REM1: variants seen among roughly 807,000 people sequenced by gnomAD.
The protein encoded by REM1 is GTP-binding protein REM 1.
In REM1, 20 loss-of-function variants were observed where a neutral mutation model predicts 27.0. That is an observed-to-expected ratio of 0.74 (90% CI 0.52 to 1.08). REM1 has a LOEUF of 1.08. Among genes scored for constraint, REM1 ranks in the 50% least tolerant of loss-of-function variants. The pLI is 0.00. For missense variants in REM1, 405 were observed against 407.0 expected (o/e 1.00, Z 0.04); for synonymous variants, 159 against 167.9 (o/e 0.95, Z 0.41).
At chr20:31,479,218 C>T (rs1461483191) in intron 3 of REM1, among the ~76,000 whole-genome samples, 1 of 152,200 alleles carries the variant, frequency 6.6e-6, no homozygotes, top group Non-Finnish European at 1.5e-5. Context: ...ACCTTCTGAA[C>T]CTTCAGCTGA....
In REM1 at chr20:31,484,792, T is replaced by TTTTTTTGATGATA; in HGVS notation, c.*362_*363insTTTTTTGATGATA. 2.2e-5 allele frequency: 5 copies of TTTTTTTGATGATA among 232,502 alleles called. No homozygotes were observed. Among genetic ancestry groups the TTTTTTTGATGATA allele is most frequent in the South Asian group, 2.4e-4 (2 of 8,270 alleles). The allele number at this position is 232,502 out of a possible 1,614,324, so 14.4% of individuals were successfully genotyped here. On this transcript the variant is annotated 3_prime_UTR_variant, in exon 5 of 5. Transcript: ENST00000201979. The stretch of plus-strand genomic sequence containing the variant: ...GCCCAGACCTCTCCATCTCGGCTCT[T>TTTTTTTGATGATA]CCAGGCGTCTCCACCTACTGCCCTC...
At chr20:31,481,446 C>G (rs922330205) in intron 3 of REM1, among the ~76,000 whole-genome samples, 3 of 151,926 alleles carry the variant, frequency 2.0e-5, no homozygotes, top group South Asian at 2.1e-4. Context: ...GTGAAGCCCT[C>G]GCACACTCTG....
Position 31,476,436 on chromosome 20 carries a change from C to G in REM1, c.-10C>G, listed in dbSNP as rs747917564. 3.2e-5 allele frequency: 50 copies of G among 1,547,754 alleles called. No homozygotes were observed. Among genetic ancestry groups the G allele is most frequent in the Middle Eastern group, 1.7e-4 (1 of 5,752 alleles). ...GAAAGAAGGAAGAAGCAAACCCCCCCCTACCAAAGATGACACTCAACACCG... is the reference window on the plus strand; with the variant it reads ...GAAAGAAGGAAGAAGCAAACCCCCCGCTACCAAAGATGACACTCAACACCG... On this transcript the variant is annotated 5_prime_UTR_variant, in exon 2 of 5. Coordinates refer to ENST00000201979, the MANE Select transcript of REM1 (RefSeq NM_014012.6).
chr20:31,484,603 G>A lies in REM1; in HGVS notation c.*173G>A. The A allele has an allele frequency of 2.4e-6, 2 of 817,532 alleles. No homozygotes were observed. Among genetic ancestry groups the A allele is most frequent in the Non-Finnish European group, 3.5e-6 (2 of 567,408 alleles). The allele number at this position is 817,532 out of a possible 1,614,324, so 50.6% of individuals were successfully genotyped here. ...TCCAAGCCTGGGGGATCCCGGGAAA[G>A]CGATGGACAGACAGACGATGGGGCC... On this transcript the variant is annotated 3_prime_UTR_variant, in exon 5 of 5. Coordinates refer to ENST00000201979, the MANE Select transcript of REM1 (RefSeq NM_014012.6).
intron 3 of REM1, among the ~76,000 whole-genome samples, chr20:31,480,381 TGTC>T (rs1204568558): frequency 6.6e-6 from 1 of 152,124 alleles, no homozygotes; most frequent in African/African-American, 2.4e-5. Context: ...TGGAGTGCAG[TGTC>T]GTGATCTCAG....
At position 31,484,514 on chromosome 20, in the gene REM1, T is replaced by C; in HGVS notation, c.*84T>C. Reference sequence around the variant, plus strand: ...CGCCACTGCGGGGCAAAGGCGCCGTTACCTGGAGTCTGCATCATGGGTCTT... The same window carrying C: ...CGCCACTGCGGGGCAAAGGCGCCGTCACCTGGAGTCTGCATCATGGGTCTT... On this transcript the variant is annotated 3_prime_UTR_variant, in exon 5 of 5. Transcript: ENST00000201979. 5 of 1,403,996 alleles carry C rather than the reference T, an allele frequency of 3.6e-6. No homozygotes were observed. In the South Asian group the frequency reaches 7.8e-5, roughly 22 times the overall value. The allele number at this position is 1,403,996 out of a possible 1,614,324, so 87.0% of individuals were successfully genotyped here. A position where few individuals can be genotyped will look rare whatever the true frequency, so the allele number is the denominator to read the frequency against.
chr20:31,477,468 A>T (rs1366655726), intron 2 of REM1, among the ~76,000 whole-genome samples: 2 of 152,208 alleles, frequency 1.3e-5, no homozygotes, highest in African/African-American at 4.8e-5. Context: ...TCTCCGAGTG[A>T]GAACACATAT....
rs1028733138 is a variant in REM1 at position 31,484,620 on chromosome 20, G to T, written c.*190G>T. On this transcript the variant is annotated 3_prime_UTR_variant, in exon 5 of 5. Transcript: ENST00000201979. The stretch of plus-strand genomic sequence containing the variant: ...CCGGGAAAGCGATGGACAGACAGAC[G>T]ATGGGGCCGAAGCCCCAAGCTGGGC... 9.9e-6 allele frequency: 7 copies of T among 708,840 alleles called. No homozygotes were observed. The highest frequency in any genetic ancestry group is 3.3e-5 in the East Asian group (1 of 30,266). The allele number at this position is 708,840 out of a possible 1,614,324, so 43.9% of individuals were successfully genotyped here.
chr20:31,482,522 T>C, intron 4 of REM1, 34 bp downstream of exon 4: 1 of 1,595,612 alleles, frequency 6.3e-7, no homozygotes, highest in Non-Finnish European at 8.6e-7. Context: ...CCTCTTCACC[T>C]GGGCCCCACT....
In REM1 at chr20:31,482,382, T is replaced by G. The variant is rs1347470992; in HGVS notation, c.519T>G (p.Ser173=). 1 of 1,614,058 alleles carries G rather than the reference T, an allele frequency of 6.2e-7. No individual in the cohort carries two copies. The highest frequency in any genetic ancestry group is 8.5e-7 in the Non-Finnish European group (1 of 1,180,024). ...ACCGAGGCAGCTTTGAGAGTGCCTC[T>G]GAGCTCCGCATCCAGCTGCGGCGCA... ...IADRGSFESA[S]ELRIQLRRTH... Residue 173 remains serine, a synonymous_variant, in exon 4 of 5, where the codon TCT becomes TCG. Transcript: ENST00000201979.
Position 31,477,887 on chromosome 20 carries a change from G to A in REM1, c.400G>A (p.Asp134Asn). 6.2e-7 allele frequency: 1 copy of A among 1,612,416 alleles called. No individual in the cohort carries two copies. The highest frequency in any genetic ancestry group is 1.1e-5 in the South Asian group (1 of 90,854). ...DGEDTTLVVVDTWEAEKLDKS... is the reference protein window; with the variant it reads ...DGEDTTLVVVNTWEAEKLDKS... Reference sequence around the variant, plus strand: ...AGAAGACACCACACTGGTGGTCGTGGACACCTGGGAGGCCGAGAAACTGGT... The same window carrying A: ...AGAAGACACCACACTGGTGGTCGTGAACACCTGGGAGGCCGAGAAACTGGT... The change falls in exon 3 of 5, where the codon GAC (aspartate) becomes AAC (asparagine). Residue 134 changes from aspartate to asparagine, a missense_variant. By Grantham distance (23) the Asp-to-Asn change is conservative. Coordinates refer to ENST00000201979, the MANE Select transcript of REM1 (RefSeq NM_014012.6).
Position 31,477,874 on chromosome 20 carries a change from A to G in REM1, c.387A>G (p.Thr129=), listed in dbSNP as rs568510900. The change falls in exon 3 of 5, where the codon ACA becomes ACG. Residue 129 remains threonine (T), a synonymous_variant. Transcript: ENST00000201979. ...TCACGGTGGATGGAGAAGACACCAC[A>G]CTGGTGGTCGTGGACACCTGGGAGG... ...RTLTVDGEDT[T]LVVVDTWEAE... 6 of 1,612,838 alleles carry G rather than the reference A, an allele frequency of 3.7e-6. No individual in the cohort carries two copies. The Admixed American group carries it at 8.3e-5, about 22-fold the overall frequency.
At position 31,484,681 on chromosome 20, in the gene REM1, T is replaced by TA. The variant is rs567490518; in HGVS notation, c.*258dup. 1.4e-5 allele frequency: 7 copies of TA among 486,652 alleles called. No individual in the cohort carries two copies. Among genetic ancestry groups the TA allele is most frequent in the Admixed American group, 4.2e-5 (1 of 23,832 alleles). 30.1% of individuals were successfully genotyped at this position (486,652 alleles called of 1,614,324 possible). On this transcript the variant is annotated 3_prime_UTR_variant, in exon 5 of 5. Coordinates refer to ENST00000201979, the MANE Select transcript of REM1 (RefSeq NM_014012.6). ...TTTTTACGTGGTGGGTGTCTTTTTG[T>TA]AAAAAAATCTTCCTTGTCCCTGGGC...
At chr20:31,477,593 C>G (rs531465914) in intron 2 of REM1, among the ~76,000 whole-genome samples, 1 of 152,282 alleles carries the variant, frequency 6.6e-6, no homozygotes, top group South Asian at 2.1e-4. Flanking sequence ...TTTAACCCCA[C>G]CACCCCACCT....
At position 31,475,778 on chromosome 20, in the gene REM1, C is replaced by T. The variant is rs761595390; in HGVS notation, c.-220+412C>T. Among the ~76,000 whole-genome samples, 2 of 152,246 alleles carry T rather than the reference C, an allele frequency of 1.3e-5. No individual in the cohort carries two copies. The highest frequency in any genetic ancestry group is 2.9e-5 in the Non-Finnish European group (2 of 68,036). ...TTTTTCACACAGGGGGCGGGTCAGA[C>T]ACGCGGTTCCCATGGCACTAGGGCA... On this transcript the variant is annotated intron_variant, in intron 1 of 4. Coordinates refer to ENST00000201979, the MANE Select transcript of REM1 (RefSeq NM_014012.6). This position sits in a 1 kb window ranked among gnomAD's most constrained non-coding sequence, Gnocchi z 5.0.
At chr20:31,482,572 G>A in intron 4 of REM1, 84 bp downstream of exon 4, 1 of 1,367,304 alleles carries the variant, frequency 7.3e-7, no homozygotes, top group South Asian at 1.3e-5. Context: ...CTCAGTGACT[G>A]TCCCTGCCAA....
chr20:31,483,174 C>G (rs1216236041), intron 4 of REM1, among the ~76,000 whole-genome samples: 1 of 152,148 alleles, frequency 6.6e-6, no homozygotes, highest in African/African-American at 2.4e-5. Context: ...GTGGTGCACA[C>G]CAGTAATCCC....
In REM1 at chr20:31,484,199, C is replaced by G. The variant is rs1242512481; in HGVS notation, c.666C>G (p.Ile222Met). 7.5e-6 allele frequency: 12 copies of G among 1,607,066 alleles called. No homozygotes were observed. The highest frequency in any genetic ancestry group is 1.7e-5 in the Admixed American group (1 of 59,686). The change falls in exon 5 of 5, where the codon ATC becomes ATG. Residue 222 changes from isoleucine to methionine, a missense_variant. By Grantham distance (10) the Ile-to-Met change is conservative. Transcript: ENST00000201979. The stretch of plus-strand genomic sequence containing the variant: ...CTGTGGTGTTCGACTGTAAATTCAT[C>G]GAGACATCCGCCACGCTGCAGCACA... ...ACAVVFDCKF[I>M]ETSATLQHNV...
intron 3 of REM1, among the ~76,000 whole-genome samples, chr20:31,480,625 G>A (rs1190691950): frequency 6.6e-6 from 1 of 152,168 alleles, no homozygotes; most frequent in Admixed American, 6.6e-5. Flanking sequence ...GCCCAGCTGA[G>A]AATCTATATT....
Sources: allele counts gnomAD v4.1 joint callset (sites outside exome capture counted in the v4.1 genomes callset), GRCh38; gene constraint gnomAD v4.1.1; non-coding constraint Gnocchi (gnomAD v3.1); transcripts MANE v1.5; gene names NCBI Gene and HGNC (gene_info 2026-07-23, HGNC 2026-07-21).